Variants in PRKDC observed in about 807,000 individuals in gnomAD.
The protein encoded by PRKDC is protein kinase, DNA-activated, catalytic subunit, also known as DNA-dependent protein kinase catalytic subunit.
PRKDC carries 82 observed loss-of-function variants against 486.9 expected under a neutral mutation model. The ratio of observed to expected loss-of-function variants is 0.17; its 90% CI spans 0.14 to 0.20. PRKDC has a LOEUF of 0.20. Ranked by LOEUF, PRKDC falls within the 10% of genes least tolerant of loss-of-function variation. The pLI, the probability that PRKDC is intolerant of heterozygous loss-of-function variation, is 1.00. For synonymous variants in PRKDC, 1,895 were observed against 1,837.0 expected, an observed-to-expected ratio of 1.03 and a Z score of -0.81; for missense variants, 4,504 against 5,038.2, an observed-to-expected ratio of 0.89 and a Z score of 3.21.
chr8:47,820,841 C>T lies in PRKDC; in HGVS notation c.9214G>A (p.Glu3072Lys). ...AGCTCTAGAATCGCCTTCTGGAGCTCCCCGTGCATAGCTTTGTCAATAAAT... is the reference window on the plus strand; with the variant it reads ...AGCTCTAGAATCGCCTTCTGGAGCTTCCCGTGCATAGCTTTGTCAATAAAT... ...LTFIDKAMHG[E>K]LQKAILELHY... The change falls in exon 66 of 86, where the codon GAG becomes AAG. Residue 3072 changes from glutamate (E) to lysine (K), a missense_variant. By Grantham distance (56) the Glu-to-Lys change is moderately conservative (BLOSUM62 1). Coordinates refer to ENST00000314191, the MANE Select transcript of PRKDC (RefSeq NM_006904.7). The T allele has an allele frequency of 3.1e-6, 5 of 1,613,304 alleles. No homozygotes were observed. The highest frequency in any genetic ancestry group is 4.2e-6 in the Non-Finnish European group (5 of 1,179,484).
chr8:47,942,078 AT>A (rs1424680073), intron 10 of PRKDC, among the ~76,000 whole-genome samples: 1 of 152,200 alleles, frequency 6.6e-6, no homozygotes, highest in African/African-American at 2.4e-5. Flanking sequence ...ACCAGGGATG[AT>A]CCCTCTGCAC....
chr8:47,778,642 C>T lies in PRKDC; in HGVS notation c.11670G>A (p.Met3890Ile), dbSNP rs745682197. ...CCAGGAAAGCCTCAGGGCTTGTACT[C>T]ATCCTCACGAAGGCCCGCCTACAAA... is the stretch of plus-strand genomic sequence containing the variant. ...ADLLKRAFVR[M>I]STSPEAFLAL... is the part of the protein sequence containing the mutation. The change falls in exon 83 of 86, where the codon ATG (methionine) becomes ATA (isoleucine). Residue 3890 changes from methionine (M) to isoleucine (I), a missense_variant. Physicochemically the swap from Met to Ile is conservative, Grantham distance 10. Transcript: ENST00000314191. The T allele has an allele frequency of 1.9e-6, 3 of 1,613,436 alleles. No homozygotes were observed. In the South Asian group the frequency reaches 3.3e-5, roughly 18 times the overall value.
chr8:47,817,115 T>C (rs933993722), intron 68 of PRKDC, among the ~76,000 whole-genome samples: 1 of 152,188 alleles, frequency 6.6e-6, no homozygotes, highest in Non-Finnish European at 1.5e-5. Flanking sequence ...ATAAAAATCA[T>C]TATGTAGTCG....
intron 10 of PRKDC, among the ~76,000 whole-genome samples, chr8:47,940,170 A>G (rs1263136452): frequency 6.6e-6 from 1 of 152,188 alleles, no homozygotes; most frequent in East Asian, 1.9e-4. Flanking sequence ...TTCAGACGTC[A>G]TCAATAAATA....
chr8:47,798,009 T>C (rs1302637703), intron 73 of PRKDC, among the ~76,000 whole-genome samples: 1 of 152,240 alleles, frequency 6.6e-6, no homozygotes, highest in East Asian at 1.9e-4. Flanking sequence ...TCTGGATCCT[T>C]GTTCAGACAC....
chr8:47,894,893 A>T (rs1171066835), intron 30 of PRKDC, among the ~76,000 whole-genome samples: 2 of 152,156 alleles, frequency 1.3e-5, no homozygotes, highest in African/African-American at 4.8e-5. Context: ...ACATATTAAT[A>T]CCAAGACCCT....
rs2087232453 is a variant in PRKDC, at chr8:47,807,245, G to A, written c.9639C>T (p.Asp3213=). 1 of 1,613,700 alleles carries A rather than the reference G, an allele frequency of 6.2e-7. No individual in the cohort carries two copies. Among genetic ancestry groups the A allele is most frequent in the South Asian group, 1.1e-5 (1 of 91,036 alleles). ...DNSMNVDQDG[D]PSDRMEVQEQ... is the part of the protein sequence containing the mutation. ...CTTGCACTTCCATCCTGTCACTGGGGTCTCCATCTTGATCCACATTCATAC... is the reference window on the plus strand; with the variant it reads ...CTTGCACTTCCATCCTGTCACTGGGATCTCCATCTTGATCCACATTCATAC... Residue 3213 remains aspartate (D), a synonymous_variant, in exon 69 of 86, where the codon GAC becomes GAT. Transcript: ENST00000314191.
At chr8:47,814,434 G>C (rs1183214598) in intron 68 of PRKDC, among the ~76,000 whole-genome samples, 3 of 152,198 alleles carry the variant, frequency 2.0e-5, no homozygotes, top group Admixed American at 6.5e-5. Flanking sequence ...TCTATCGGCA[G>C]ATGATATGAT....
intron 80 of PRKDC, among the ~76,000 whole-genome samples, chr8:47,780,452 T>C (rs2086680352): frequency 6.6e-6 from 1 of 152,220 alleles, no homozygotes; most frequent in African/African-American, 2.4e-5. Context: ...TATGTTTAAG[T>C]ACTTTTGTGT....
chr8:47,859,554 G>A (rs2088624283), intron 46 of PRKDC, 57 bp downstream of exon 46: 4 of 1,568,908 alleles, frequency 2.5e-6, no homozygotes, highest in Non-Finnish European at 3.5e-6. Context: ...GCATAGCTGT[G>A]ACCCCCTTTC....
chr8:47,906,491 G>A (rs1433124283), intron 25 of PRKDC, among the ~76,000 whole-genome samples: 1 of 151,310 alleles, frequency 6.6e-6, no homozygotes, highest in East Asian at 1.9e-4. Flanking sequence ...AAAATTAGCC[G>A]GGTGTGGTGG....
intron 21 of PRKDC, among the ~76,000 whole-genome samples, chr8:47,926,295 CTCTT>C (rs1419263753): frequency 1.6e-4 from 24 of 152,246 alleles, no homozygotes; most frequent in African/African-American, 4.6e-4. Flanking sequence ...AAAATCGTGA[CTCTT>C]TCTTCATGAA....
intron 73 of PRKDC, among the ~76,000 whole-genome samples, chr8:47,795,784 C>T (rs1247292013): frequency 2.0e-5 from 3 of 149,560 alleles, no homozygotes; most frequent in South Asian, 2.1e-4. Flanking sequence ...TGAGCCACCG[C>T]GCCTGGTCCC....
intron 85 of PRKDC, 43 bp downstream of exon 85, chr8:47,776,801 A>G: frequency 6.2e-7 from 1 of 1,608,746 alleles, no homozygotes; most frequent in Middle Eastern, 1.7e-4. Flanking sequence ...AAACAGTAGC[A>G]TGTCGGTAGT....
chr8:47,776,109 G>A (rs900704682), intron 85 of PRKDC, among the ~76,000 whole-genome samples: 1 of 152,118 alleles, frequency 6.6e-6, no homozygotes, highest in Non-Finnish European at 1.5e-5. Context: ...GAGCCACCAC[G>A]CCCAGCTGAT....
intron 1 of PRKDC, among the ~76,000 whole-genome samples, chr8:47,959,675 T>TCTCAAAAA (rs1454944120): frequency 4.0e-5 from 6 of 150,228 alleles, no homozygotes; most frequent in Non-Finnish European, 8.9e-5. Context: ...CGAGACTCCG[T>TCTCAAAAA]CTCAAAAAAA....
At chr8:47,928,602 G>T (rs1238616722) in intron 19 of PRKDC, among the ~76,000 whole-genome samples, 1 of 151,424 alleles carries the variant, frequency 6.6e-6, no homozygotes, top group Non-Finnish European at 1.5e-5. Flanking sequence ...CCCCAGGCTG[G>T]AGTGCAGTGG....
In PRKDC at chr8:47,877,756, T is replaced by C; in HGVS notation, c.5331A>G (p.Leu1777=). ...CAATCCTCCTGAAACTGGATTGAAA[T>C]AATTCTTCCATGACATGCTGCTGTT... is the stretch of plus-strand genomic sequence containing the variant. The part of the protein sequence containing the change: ...CREQQHVMEE[L]FQSSFRRIAR... The change falls in exon 40 of 86, where the codon TTA becomes TTG. Residue 1777 remains leucine (L), a synonymous_variant. Transcript: ENST00000314191. The C allele has an allele frequency of 6.3e-7, 1 of 1,594,956 alleles. No homozygotes were observed. Among genetic ancestry groups the C allele is most frequent in the Non-Finnish European group, 8.5e-7 (1 of 1,169,764 alleles).
At chr8:47,912,604 T>C in intron 24 of PRKDC, 42 bp from the exon 25 acceptor site, 2 of 1,516,276 alleles carry the variant, frequency 1.3e-6, no homozygotes, top group Non-Finnish European at 1.8e-6. Context: ...AGTTATCACG[T>C]TGATGACAAG....
Sources: allele counts gnomAD v4.1 joint callset (sites outside exome capture counted in the v4.1 genomes callset), GRCh38; gene constraint gnomAD v4.1.1; transcripts MANE v1.5; gene names NCBI Gene and HGNC (gene_info 2026-07-23, HGNC 2026-07-21).